SCEL: variants seen among roughly 807,000 people sequenced by gnomAD.
The protein encoded by SCEL is sciellin.
SCEL carries 113 observed loss-of-function variants against 117.6 expected under a neutral mutation model. The observed-to-expected ratio is 0.96, with a 90% CI of 0.83 to 1.12. The LOEUF (loss-of-function observed/expected upper bound fraction) is 1.12. Ranked by LOEUF, SCEL falls within the 50% of genes most tolerant of loss-of-function variation. The pLI is 0.00. For missense variants in SCEL, 785 were observed against 810.8 expected (o/e 0.97, Z 0.39); for synonymous variants, 270 against 256.2 (o/e 1.05, Z -0.51).
chr13:77,556,531 G>C, intron 2 of SCEL, 65 bp from the exon 3 acceptor site: 8 of 1,378,292 alleles, frequency 5.8e-6, no homozygotes, highest in Non-Finnish European at 8.3e-6. Context: ...GGATTTTCAG[G>C]TTAACAAGCC....
chr13:77,553,135 A>T (rs2084439613), intron 1 of SCEL, among the ~76,000 whole-genome samples: 1 of 152,148 alleles, frequency 6.6e-6, no homozygotes, highest in African/African-American at 2.4e-5. Flanking sequence ...ACTTCAACAT[A>T]CGAATTTTGG....
At chr13:77,610,641 T>C (rs1036647303) in intron 22 of SCEL, among the ~76,000 whole-genome samples, 2 of 152,176 alleles carry the variant, frequency 1.3e-5, no homozygotes, top group Non-Finnish European at 2.9e-5. Context: ...TGTTCCATGC[T>C]GAGGATTTCC....
chr13:77,639,199 T>C (rs1009958526), intron 30 of SCEL, among the ~76,000 whole-genome samples: 1 of 152,168 alleles, frequency 6.6e-6, no homozygotes, highest in Non-Finnish European at 1.5e-5. Context: ...GCACCTATTT[T>C]CTACTCTTGA....
chr13:77,593,297 T>TG (rs776632183), intron 11 of SCEL, among the ~76,000 whole-genome samples: 1,388 of 117,126 alleles, frequency 0.012, 13 homozygotes, highest in South Asian at 0.02. Context: ...TGTGTGTGTG[T>TG]CTGTGTGTGT....
chr13:77,643,490 A>G (rs1328850455), intron 32 of SCEL, among the ~76,000 whole-genome samples: 1 of 152,154 alleles, frequency 6.6e-6, no homozygotes, highest in African/African-American at 2.4e-5. Flanking sequence ...TACTATCCGC[A>G]TTTTCCTTTT....
At chr13:77,571,662 C>G (rs1010398040) in intron 8 of SCEL, among the ~76,000 whole-genome samples, 1 of 150,890 alleles carries the variant, frequency 6.6e-6, no homozygotes, top group African/African-American at 2.4e-5. Flanking sequence ...ACACTCCGGC[C>G]TGGGCAACAA....
At chr13:77,631,262 G>A (rs1314544128) in intron 28 of SCEL, among the ~76,000 whole-genome samples, 1 of 152,124 alleles carries the variant, frequency 6.6e-6, no homozygotes, top group Admixed American at 6.6e-5. Context: ...TATTCCTATG[G>A]TTCTAAATAA....
intron 5 of SCEL, 70 bp from the exon 6 acceptor site, chr13:77,567,610 T>A (rs1263683476): frequency 5.6e-6 from 6 of 1,067,338 alleles, no homozygotes; most frequent in South Asian, 5.3e-5. Context: ...TATTCTAGCA[T>A]GAAAATGGTC....
In SCEL at chr13:77,572,169, G is replaced by A. The variant is rs1181732185; in HGVS notation, c.525G>A (p.Ser175=). 3.7e-6 allele frequency: 6 copies of A among 1,611,534 alleles called. No homozygotes were observed. Among genetic ancestry groups the A allele is most frequent in the Non-Finnish European group, 3.4e-6 (4 of 1,178,656 alleles). ...PPPPPGYNAS[S]STGTRRREPG... ...CCCCTCCAGGTTACAATGCCTCCTC[G>A]AGCACAGGAACCAGGAGACGGTAAG... Residue 175 remains serine, a synonymous_variant, in exon 9 of 33, where the codon TCG becomes TCA. Coordinates refer to ENST00000349847, the MANE Select transcript of SCEL (RefSeq NM_144777.3).
intron 9 of SCEL, among the ~76,000 whole-genome samples, chr13:77,581,527 T>C (rs1437101719): frequency 6.6e-6 from 1 of 152,116 alleles, no homozygotes; most frequent in Non-Finnish European, 1.5e-5. Flanking sequence ...CTTGGAGCTC[T>C]TGTTGCCTCC....
intron 9 of SCEL, among the ~76,000 whole-genome samples, chr13:77,578,643 G>T (rs2086092394): frequency 6.6e-6 from 1 of 152,184 alleles, no homozygotes; most frequent in African/African-American, 2.4e-5. Context: ...GGGAAGGAAA[G>T]AAGTAACACA....
rs147561844 is a variant in SCEL, at chr13:77,587,553, G to A, written c.546-1591G>A. Among the ~76,000 whole-genome samples, 24 of 151,250 alleles carry A rather than the reference G, an allele frequency of 1.6e-4. 1 individual carries two copies. The East Asian group carries it at 2.9e-3, about 18-fold the overall frequency. On this transcript the variant is annotated intron_variant, in intron 9 of 32. Coordinates refer to ENST00000349847, the MANE Select transcript of SCEL (RefSeq NM_144777.3). The stretch of plus-strand genomic sequence containing the variant: ...GATTTTTTTTTCTTTTCCCACCATC[G>A]TTCCATCAAAACTGCTCTTATCAGG...
intron 1 of SCEL, 66 bp from the exon 2 acceptor site, chr13:77,555,791 G>T: frequency 1.9e-6 from 2 of 1,047,090 alleles, no homozygotes; most frequent in Non-Finnish European, 3.0e-6. Flanking sequence ...TCTCAGTCAT[G>T]AAACAGTCAC....
intron 18 of SCEL, among the ~76,000 whole-genome samples, chr13:77,603,647 C>T (rs1391061359): frequency 6.6e-6 from 1 of 152,132 alleles, no homozygotes; most frequent in Admixed American, 6.5e-5. Context: ...TTCTGTCTTC[C>T]CCTCCTGTCC....
chr13:77,605,849 A>G (rs1328667962), intron 19 of SCEL, among the ~76,000 whole-genome samples: 1 of 152,096 alleles, frequency 6.6e-6, no homozygotes, highest in African/African-American at 2.4e-5. Context: ...TATTAAAAAT[A>G]CAAAAAGTTA....
At chr13:77,587,431 G>A (rs1423685410) in intron 9 of SCEL, among the ~76,000 whole-genome samples, 2 of 151,916 alleles carry the variant, frequency 1.3e-5, no homozygotes, top group East Asian at 1.9e-4. Flanking sequence ...CATCAGCCTC[G>A]AAGTAGCTAC....
chr13:77,634,258 A>T, intron 28 of SCEL, 121 bp from the exon 29 acceptor site: 1 of 862,778 alleles, frequency 1.2e-6, no homozygotes, highest in Non-Finnish European at 1.8e-6. Flanking sequence ...TTCATGTTTC[A>T]AAGTTATAGT....
chr13:77,575,879 C>A (rs1048617247), intron 9 of SCEL, among the ~76,000 whole-genome samples: 2 of 152,138 alleles, frequency 1.3e-5, no homozygotes, highest in East Asian at 1.9e-4. Flanking sequence ...CTTGTCAGAA[C>A]ATGTTTTCTT....
intron 8 of SCEL, among the ~76,000 whole-genome samples, chr13:77,571,778 A>G (rs965875680): frequency 2.0e-5 from 3 of 151,774 alleles, no homozygotes; most frequent in African/African-American, 7.3e-5. Context: ...AGTTCAGACA[A>G]GCAGAAAAAT....
Sources: allele counts gnomAD v4.1 joint callset (sites outside exome capture counted in the v4.1 genomes callset), GRCh38; gene constraint gnomAD v4.1.1; transcripts MANE v1.5; gene names NCBI Gene and HGNC (gene_info 2026-07-23, HGNC 2026-07-21).